The following CAP2 variants were observed in gnomAD, a reference collection of about 807,000 sequenced individuals.
The protein encoded by CAP2 is adenylyl cyclase-associated protein 2.
In CAP2, 24 loss-of-function variants were observed where a neutral mutation model predicts 57.7. That is an observed-to-expected ratio of 0.42 (90% CI 0.30 to 0.58). CAP2 has a LOEUF of 0.58. CAP2 is among the 20% of genes least tolerant of loss of function. The probability of loss-of-function intolerance (pLI) is 0.22; values close to 1 mark genes in which losing one functional copy is unlikely to be tolerated. For missense variants in CAP2, 501 were observed against 590.3 expected (o/e 0.85, Z 1.57); for synonymous variants, 194 against 207.2 (o/e 0.94, Z 0.55).
intron 3 of CAP2, among the ~76,000 whole-genome samples, chr6:17,429,877 C>A (rs1172643339): frequency 6.6e-6 from 1 of 152,178 alleles, no homozygotes; most frequent in Admixed American, 6.5e-5. Context: ...CTCTCGCTTA[C>A]AGAACCATGT....
intron 4 of CAP2, among the ~76,000 whole-genome samples, chr6:17,467,730 G>T (rs905931651): frequency 3.3e-5 from 5 of 152,076 alleles, no homozygotes; most frequent in African/African-American, 1.2e-4. Context: ...TCACTATGTT[G>T]GTCAGGCTGG....
At position 17,551,667 on chromosome 6, in the gene CAP2, A is replaced by G. The variant is rs1337612122; in HGVS notation, c.1350+63A>G. ...GAGCCTTCATTATTAACATTCTTAGAGATTGATTAATCAGCTACCAACCTG... is the reference window on the plus strand; with the variant it reads ...GAGCCTTCATTATTAACATTCTTAGGGATTGATTAATCAGCTACCAACCTG... On this transcript the variant is annotated intron_variant, in intron 12 of 12. Transcript: ENST00000229922. 13 of 1,285,936 alleles carry G rather than the reference A, an allele frequency of 1.0e-5. No individual in the cohort carries two copies. The African/African-American group carries it at 1.6e-4, about 16-fold the overall frequency. 79.7% of individuals were successfully genotyped at this position (1,285,936 alleles called of 1,614,324 possible).
At chr6:17,490,006 T>C (rs1278854355) in intron 4 of CAP2, among the ~76,000 whole-genome samples, 1 of 152,112 alleles carries the variant, frequency 6.6e-6, no homozygotes, top group African/African-American at 2.4e-5. Flanking sequence ...CAATGCATTA[T>C]CCCTCCTCTT....
chr6:17,471,845 A>G (rs979671338), intron 4 of CAP2, among the ~76,000 whole-genome samples: 2 of 141,952 alleles, frequency 1.4e-5, no homozygotes, highest in South Asian at 2.2e-4. Flanking sequence ...AAAAAAAAAA[A>G]GGTTTCATTC....
At chr6:17,536,216 C>A (rs1410180728) in intron 7 of CAP2, 7 of 456,732 alleles carry the variant, frequency 1.5e-5, no homozygotes, top group South Asian at 9.3e-5. Context: ...GTTCTCCTGT[C>A]ATGTGCTGTA....
intron 11 of CAP2, among the ~76,000 whole-genome samples, chr6:17,550,327 A>G (rs1763139447): frequency 6.6e-6 from 1 of 151,522 alleles, no homozygotes; most frequent in South Asian, 2.1e-4. Context: ...TATTAAATAT[A>G]CATATATGTG....
At chr6:17,544,882 T>C (rs1332327593) in intron 11 of CAP2, among the ~76,000 whole-genome samples, 2 of 152,140 alleles carry the variant, frequency 1.3e-5, no homozygotes, top group African/African-American at 4.8e-5. Flanking sequence ...ATCACTACAT[T>C]TATCCATTTA....
chr6:17,526,157 G>A (rs528015910), intron 7 of CAP2, among the ~76,000 whole-genome samples: 11 of 149,006 alleles, frequency 7.4e-5, no homozygotes, highest in South Asian at 2.1e-4. Context: ...TCGCTCTGTC[G>A]CCCAACCTGG....
At chr6:17,466,248 T>C (rs973105494) in intron 4 of CAP2, among the ~76,000 whole-genome samples, 3 of 152,230 alleles carry the variant, frequency 2.0e-5, no homozygotes, top group African/African-American at 7.2e-5. Flanking sequence ...AATTAACTGC[T>C]GTAATTTCAG....
At chr6:17,464,536 C>A (rs1183655209) in intron 4 of CAP2, among the ~76,000 whole-genome samples, 2 of 152,152 alleles carry the variant, frequency 1.3e-5, no homozygotes, top group Admixed American at 1.3e-4. Flanking sequence ...TTAAAAAATA[C>A]CAGTACCTGG....
intron 1 of CAP2, among the ~76,000 whole-genome samples, chr6:17,413,311 A>G (rs1341740447): frequency 1.3e-5 from 2 of 152,208 alleles, no homozygotes; most frequent in African/African-American, 4.8e-5. Context: ...CATCTTTGCA[A>G]TAAAAAGAAA....
chr6:17,546,567 T>C (rs183987403), intron 11 of CAP2, among the ~76,000 whole-genome samples: 269 of 152,330 alleles, frequency 1.8e-3, no homozygotes, highest in African/African-American at 6.0e-3. Context: ...CATTTGTCAA[T>C]TTTGGCTTTT....
At chr6:17,431,229 T>C (rs1759721682) in intron 3 of CAP2, among the ~76,000 whole-genome samples, 1 of 152,092 alleles carries the variant, frequency 6.6e-6, no homozygotes, top group Non-Finnish European at 1.5e-5. Flanking sequence ...AATGAAATAA[T>C]CTGTACACCA....
At chr6:17,474,042 A>G (rs1004020461) in intron 4 of CAP2, among the ~76,000 whole-genome samples, 6 of 152,170 alleles carry the variant, frequency 3.9e-5, no homozygotes, top group African/African-American at 1.4e-4. Context: ...AAAATTTTGA[A>G]CTAGCTAGTC....
chr6:17,502,868 T>C (rs1431417853), intron 4 of CAP2, among the ~76,000 whole-genome samples: 1 of 152,240 alleles, frequency 6.6e-6, no homozygotes, highest in African/African-American at 2.4e-5. Context: ...TTAGTAGTTC[T>C]GCCATCATTA....
intron 3 of CAP2, among the ~76,000 whole-genome samples, chr6:17,454,538 G>A (rs925865917): frequency 6.6e-6 from 1 of 152,120 alleles, no homozygotes; most frequent in African/African-American, 2.4e-5. Flanking sequence ...CTCTTCTTTT[G>A]TAATCTCCCA....
chr6:17,516,476 G>C (rs540285327), intron 7 of CAP2, among the ~76,000 whole-genome samples: 22 of 152,290 alleles, frequency 1.4e-4, no homozygotes, highest in African/African-American at 5.1e-4. Flanking sequence ...TTGGGAGGGG[G>C]CTGAGGGATA....
chr6:17,460,762 T>C (rs995360321), intron 3 of CAP2, among the ~76,000 whole-genome samples: 2 of 152,226 alleles, frequency 1.3e-5, no homozygotes, highest in Admixed American at 6.5e-5. Context: ...CTAAAATGTA[T>C]GCTTTTTAAG....
intron 4 of CAP2, among the ~76,000 whole-genome samples, chr6:17,469,656 T>G (rs1333672705): frequency 6.6e-6 from 1 of 152,140 alleles, no homozygotes; most frequent in Non-Finnish European, 1.5e-5. Flanking sequence ...TGTCTTTATT[T>G]GAACTTGTAC....
Sources: gnomAD v4.1 joint callset for allele counts (sites outside exome capture counted in the v4.1 genomes callset) on GRCh38, gnomAD v4.1.1 for gene constraint, MANE v1.5 for transcripts, NCBI Gene and HGNC (gene_info 2026-07-23, HGNC 2026-07-21) for gene names.